The following FIGN variants were observed in gnomAD, a reference collection of about 807,000 sequenced individuals.
FIGN encodes fidgetin, microtubule severing factor, also known as fidgetin.
Under a neutral mutation model 51.3 loss-of-function variants are expected in FIGN, and 11 were observed. The observed-to-expected ratio is 0.21, with a 90% CI of 0.13 to 0.35. The LOEUF is 0.35. FIGN is among the 10% of genes least tolerant of loss of function. The pLI is 1.00. For synonymous variants in FIGN, 407 were observed against 363.2 expected (o/e 1.12, Z -1.37); for missense variants, 857 against 943.6 (o/e 0.91, Z 1.20).
chr2:163,619,416 G>A (rs865837362), intron 2 of FIGN, among the ~76,000 whole-genome samples: 2 of 152,028 alleles, frequency 1.3e-5, no homozygotes, highest in Non-Finnish European at 2.9e-5. Flanking sequence ...GGACTAGGAT[G>A]GTATTAATAT....
At position 163,610,345 on chromosome 2, in the gene FIGN, G is replaced by A; in HGVS notation, c.1487C>T (p.Ala496Val). Residue 496 changes from alanine to valine, a missense_variant, in exon 3 of 3, where the codon GCT becomes GTT. Around this residue, in one of 3 missense-constraint regions of FIGN, gnomAD observed 799 missense variants for 849.5 expected, o/e 0.94. Coordinates refer to ENST00000333129, the MANE Select transcript of FIGN (RefSeq NM_018086.4). ...CCATAAAACCTCCTCTTTAATGACA[G>A]CCTTCACCAGGTCGAGACCAGCAAT... ...NDIAGLDLVK[A>V]VIKEEVLWPV... 1 of 1,614,128 alleles carries A rather than the reference G, an allele frequency of 6.2e-7. No individual in the cohort carries two copies. The highest frequency in any genetic ancestry group is 1.7e-5 in the Admixed American group (1 of 60,008).
At chr2:163,648,019 T>C (rs1249906803) in intron 2 of FIGN, among the ~76,000 whole-genome samples, 9 of 151,872 alleles carry the variant, frequency 5.9e-5, no homozygotes. Context: ...CATACAGACA[T>C]AGACACCCAG....
At chr2:163,616,609 C>T (rs951908436) in intron 2 of FIGN, among the ~76,000 whole-genome samples, 1 of 152,108 alleles carries the variant, frequency 6.6e-6, no homozygotes, top group African/African-American at 2.4e-5. Context: ...AAAACAGATG[C>T]ATAGCACTCA....
At chr2:163,708,450 A>G (rs1299056651) in intron 2 of FIGN, among the ~76,000 whole-genome samples, 1 of 152,188 alleles carries the variant, frequency 6.6e-6, no homozygotes, top group Non-Finnish European at 1.5e-5. Context: ...CACAAGTATA[A>G]TGTGGACAAA....
intron 2 of FIGN, among the ~76,000 whole-genome samples, chr2:163,688,142 A>G (rs2105343449): frequency 6.6e-6 from 1 of 152,354 alleles, no homozygotes; most frequent in East Asian, 1.9e-4. Context: ...TCTTTACTGA[A>G]GTGAAGAATT....
rs141925668 is a variant in FIGN at position 163,684,895 on chromosome 2, C to A, written c.25+50008G>T. On this transcript the variant is annotated intron_variant, in intron 2 of 2. Transcript: ENST00000333129. ...GTTCAAGCAATTCTCCTGCCTCAGCCTCCCGAGTAGCTGGGATTAAGGCGG... is the reference window on the plus strand; with the variant it reads ...GTTCAAGCAATTCTCCTGCCTCAGCATCCCGAGTAGCTGGGATTAAGGCGG... 6.0e-3 allele frequency among the ~76,000 whole-genome samples: 906 copies of A among 152,004 alleles called. 5 individuals carry two copies. Among genetic ancestry groups the A allele is most frequent in the African/African-American group, 0.02 (843 of 41,448 alleles).
chr2:163,688,247 G>C, intron 2 of FIGN, among the ~76,000 whole-genome samples: 1 of 152,206 alleles, frequency 6.6e-6, no homozygotes, highest in South Asian at 2.1e-4. Context: ...AGTATCCAAT[G>C]AGACCTATCG....
Position 163,699,158 on chromosome 2 carries a change from T to G in FIGN, c.25+35745A>C, listed in dbSNP as rs533947955. ...CTATGCAACAGGAACTTTCTAAATCTAAGAGCTTTGTGAGCTTAAATTTCA... is the reference window on the plus strand; with the variant it reads ...CTATGCAACAGGAACTTTCTAAATCGAAGAGCTTTGTGAGCTTAAATTTCA... On this transcript the variant is annotated intron_variant, in intron 2 of 2. Transcript: ENST00000333129. Among the ~76,000 whole-genome samples the G allele has an allele frequency of 7.2e-5, 11 of 152,268 alleles. No homozygotes were observed. In the East Asian group the frequency reaches 2.1e-3, roughly 29 times the overall value.
At chr2:163,733,436 A>G (rs1684962633) in intron 2 of FIGN, among the ~76,000 whole-genome samples, 1 of 152,158 alleles carries the variant, frequency 6.6e-6, no homozygotes, top group Non-Finnish European at 1.5e-5. Flanking sequence ...TTTAAAATTT[A>G]TAAATGTAAT....
At chr2:163,668,237 G>A (rs1426172850) in intron 2 of FIGN, among the ~76,000 whole-genome samples, 1 of 152,122 alleles carries the variant, frequency 6.6e-6, no homozygotes, top group African/African-American at 2.4e-5. Flanking sequence ...GGGGCTAAAG[G>A]AAAGCACCTA....
chr2:163,715,899 A>G (rs1446578190), intron 2 of FIGN, among the ~76,000 whole-genome samples: 5 of 152,214 alleles, frequency 3.3e-5, no homozygotes, highest in Non-Finnish European at 4.4e-5. Context: ...TGTGGGTGGT[A>G]TTCTGCATAA....
intron 2 of FIGN, among the ~76,000 whole-genome samples, chr2:163,639,485 GA>G (rs1233398247): frequency 4.6e-5 from 7 of 152,090 alleles, no homozygotes; most frequent in East Asian, 1.9e-4. Context: ...TTTTACAGGG[GA>G]AAAAAATTCA....
chr2:163,651,073 C>T (rs966392927), intron 2 of FIGN, among the ~76,000 whole-genome samples: 1 of 152,188 alleles, frequency 6.6e-6, no homozygotes, highest in African/African-American at 2.4e-5. Context: ...AATTAAGTAA[C>T]GTTCTGCACA....
chr2:163,645,037 C>T (rs955254846), intron 2 of FIGN, among the ~76,000 whole-genome samples: 4 of 151,992 alleles, frequency 2.6e-5, no homozygotes, highest in Admixed American at 6.6e-5. Context: ...TGTGGCTATA[C>T]TAGAAACTAT....
In FIGN at chr2:163,610,437, GTCAGTAT is replaced by G; in HGVS notation, c.1388_1394del (p.Asn463ThrfsTer8). 6.2e-7 allele frequency: 1 copy of G among 1,614,144 alleles called. No homozygotes were observed. Among genetic ancestry groups the G allele is most frequent in the Non-Finnish European group, 8.5e-7 (1 of 1,180,036 alleles). ...TGGTTACCAGGTCGATGAGGTGCGT[GTCAGTAT>G]TCTTCAGTTGCTCGTCCACAGAGTG... On this transcript the variant is annotated frameshift_variant, in exon 3 of 3. Coordinates refer to ENST00000333129, the MANE Select transcript of FIGN (RefSeq NM_018086.4). LOFTEE classifies it high-confidence loss of function.
intron 2 of FIGN, among the ~76,000 whole-genome samples, chr2:163,719,216 T>G (rs2105361707): frequency 6.6e-6 from 1 of 152,318 alleles, no homozygotes; most frequent in East Asian, 1.9e-4. Flanking sequence ...TTTATGGATT[T>G]TAAGTTTATT....
chr2:163,713,936 G>A (rs1400656899), intron 2 of FIGN, among the ~76,000 whole-genome samples: 4 of 152,124 alleles, frequency 2.6e-5, no homozygotes, highest in Non-Finnish European at 5.9e-5. Context: ...CTCTCCCTCC[G>A]TTACATACCA....
intron 2 of FIGN, among the ~76,000 whole-genome samples, chr2:163,724,368 C>A (rs1036962738): frequency 1.3e-5 from 2 of 152,072 alleles, no homozygotes; most frequent in African/African-American, 4.8e-5. Flanking sequence ...AACTTCAAAC[C>A]AGGAAGAATG....
In FIGN at chr2:163,605,983, T is replaced by C. The variant is rs1375829821; in HGVS notation, c.*3569A>G. ...TGTAAATTGACCTTGCTATTTTACATAGCATAGCCTCTGGATAGCTTTTAT... is the reference window on the plus strand; with the variant it reads ...TGTAAATTGACCTTGCTATTTTACACAGCATAGCCTCTGGATAGCTTTTAT... On this transcript the variant is annotated 3_prime_UTR_variant, in exon 3 of 3. Transcript: ENST00000333129. The C allele has an allele frequency of 1.3e-5, 2 of 152,008 alleles. No homozygotes were observed. Among genetic ancestry groups the C allele is most frequent in the African/African-American group, 2.4e-5 (1 of 41,420 alleles). 9.4% of individuals were successfully genotyped at this position (152,008 alleles called of 1,614,324 possible).
Sources: allele counts gnomAD v4.1 joint callset (sites outside exome capture counted in the v4.1 genomes callset), GRCh38; gene constraint gnomAD v4.1.1; regional missense constraint gnomAD v4.1.1; transcripts MANE v1.5; gene names NCBI Gene and HGNC (gene_info 2026-07-23, HGNC 2026-07-21).